The following SYTL3 variants were observed in gnomAD, a reference collection of about 807,000 sequenced individuals.
SYTL3 encodes synaptotagmin like 3.
SYTL3 carries 88 observed loss-of-function variants against 82.1 expected under a neutral mutation model. That is an observed-to-expected ratio of 1.07 (90% CI 0.90 to 1.28). SYTL3 has a LOEUF of 1.28. Ranked by LOEUF, SYTL3 falls within the 50% of genes most tolerant of loss-of-function variation. The pLI is 0.00. For missense variants in SYTL3, 831 were observed against 757.6 expected (o/e 1.10, Z -1.14); for synonymous variants, 311 against 289.4 (o/e 1.07, Z -0.76).
In SYTL3 at chr6:158,707,351, CT is replaced by C. The variant is rs1166076062; in HGVS notation, c.446+72del. On this transcript the variant is annotated intron_variant, in intron 7 of 17. Coordinates refer to ENST00000611299, the MANE Select transcript of SYTL3 (RefSeq NM_001242394.2). ...GAGCGCAGAGGACACTCTGCAAGAACTTATAGGTCTCTTGACTTTCACATGT... is the reference window on the plus strand; with the variant it reads ...GAGCGCAGAGGACACTCTGCAAGAACTATAGGTCTCTTGACTTTCACATGT... 2.2e-6 allele frequency: 3 copies of C among 1,357,800 alleles called. No homozygotes were observed. In the African/African-American group the frequency reaches 4.3e-5, roughly 20 times the overall value. 84.1% of individuals were successfully genotyped at this position (1,357,800 alleles called of 1,614,324 possible). A position where few individuals can be genotyped will look rare whatever the true frequency, so the allele number is the denominator to read the frequency against.
At chr6:158,650,705 G>A (rs1377609724) in intron 1 of SYTL3, among the ~76,000 whole-genome samples, 2 of 152,140 alleles carry the variant, frequency 1.3e-5, no homozygotes, top group Admixed American at 6.5e-5. Flanking sequence ...TACTTTGGGA[G>A]GCCAAGGTGG....
intron 7 of SYTL3, among the ~76,000 whole-genome samples, chr6:158,707,622 A>G (rs1269152937): frequency 6.6e-6 from 1 of 152,216 alleles, no homozygotes; most frequent in Non-Finnish European, 1.5e-5. Context: ...AATCATGCCT[A>G]TCTCTAACAC....
chr6:158,729,704 C>T (rs1174132348), intron 11 of SYTL3, among the ~76,000 whole-genome samples: 3 of 151,362 alleles, frequency 2.0e-5, no homozygotes, highest in Non-Finnish European at 4.4e-5. Context: ...GTAGCTGGGA[C>T]TACAGGCGCC....
chr6:158,708,183 A>AT (rs1314290503), intron 7 of SYTL3, 139 bp from the exon 8 acceptor site: 10 of 775,654 alleles, frequency 1.3e-5, no homozygotes, highest in South Asian at 4.7e-5. Flanking sequence ...GCTGCTGGCT[A>AT]TTTTTCCAAA....
intron 6 of SYTL3, among the ~76,000 whole-genome samples, chr6:158,696,718 C>A (rs1217563425): frequency 1.3e-5 from 2 of 150,802 alleles, no homozygotes; most frequent in African/African-American, 4.9e-5. Flanking sequence ...TGTTTTGTTT[C>A]TTAAAAACAA....
At chr6:158,672,886 C>T (rs1451767801) in intron 5 of SYTL3, among the ~76,000 whole-genome samples, 4 of 152,078 alleles carry the variant, frequency 2.6e-5, no homozygotes, top group Non-Finnish European at 2.9e-5. Context: ...CTGCCCGTCT[C>T]GGCCTCTCAA....
chr6:158,664,772 G>A (rs2128368138), intron 4 of SYTL3, among the ~76,000 whole-genome samples: 1 of 152,182 alleles, frequency 6.6e-6, no homozygotes, highest in East Asian at 1.9e-4. Context: ...TCTTGGGATT[G>A]GCTCATCTTT....
chr6:158,744,400 G>A (rs1350891246), intron 11 of SYTL3, among the ~76,000 whole-genome samples: 2 of 146,298 alleles, frequency 1.4e-5, no homozygotes, highest in East Asian at 4.4e-4. Flanking sequence ...TCCGCCTCCT[G>A]GGTTCACGCC....
At chr6:158,698,268 G>A (rs56321155) in intron 6 of SYTL3, among the ~76,000 whole-genome samples, 7,286 of 151,928 alleles carry the variant, frequency 0.048, 479 homozygotes, top group African/African-American at 0.15. Context: ...GTGGTGGTGG[G>A]TACCTGTAAT....
intron 6 of SYTL3, among the ~76,000 whole-genome samples, chr6:158,703,360 C>T (rs1040600328): frequency 1.3e-5 from 2 of 152,066 alleles, no homozygotes; most frequent in African/African-American, 4.8e-5. Context: ...GCTAAAGTCA[C>T]TCGCCAGCCA....
chr6:158,683,886 G>A (rs775602604), intron 6 of SYTL3, among the ~76,000 whole-genome samples: 3 of 152,170 alleles, frequency 2.0e-5, no homozygotes, highest in Admixed American at 6.5e-5. Flanking sequence ...CATTTTGTCC[G>A]TATACTGTGA....
At chr6:158,720,704 G>A (rs1229859903) in intron 10 of SYTL3, among the ~76,000 whole-genome samples, 1 of 152,190 alleles carries the variant, frequency 6.6e-6, no homozygotes, top group African/African-American at 2.4e-5. Context: ...ATGCCCTTCA[G>A]AGGTATTTAG....
Position 158,761,336 on chromosome 6 carries a change from T to C in SYTL3, c.1414+591T>C, listed in dbSNP as rs1477688720. The stretch of plus-strand genomic sequence containing the variant: ...TTTTTTTTTTGAGACAGAGTTTTGC[T>C]CTGTCACCCAGGCTGGAGTGCAGTG... On this transcript the variant is annotated intron_variant, in intron 15 of 17. Coordinates refer to ENST00000611299, the MANE Select transcript of SYTL3 (RefSeq NM_001242394.2). Among the ~76,000 whole-genome samples, 36 of 145,804 alleles carry C rather than the reference T, an allele frequency of 2.5e-4. No individual in the cohort carries two copies. The Admixed American group carries it at 2.5e-3, about 10-fold the overall frequency.
intron 5 of SYTL3, among the ~76,000 whole-genome samples, chr6:158,672,157 C>T (rs754735928): frequency 6.6e-6 from 1 of 151,944 alleles, no homozygotes; most frequent in Non-Finnish European, 1.5e-5. Context: ...TGGGCATGGT[C>T]GTGTGTACCT....
upstream of SYTL3, among the ~76,000 whole-genome samples, chr6:158,649,684 T>G (rs901396158): frequency 3.9e-5 from 6 of 152,328 alleles, no homozygotes; most frequent in East Asian, 1.2e-3. Context: ...AGCTGTTCTT[T>G]GAGATGTGGT....
chr6:158,717,878 C>T (rs1482343794), intron 9 of SYTL3, among the ~76,000 whole-genome samples: 1 of 152,188 alleles, frequency 6.6e-6, no homozygotes, highest in Non-Finnish European at 1.5e-5. Context: ...CCAGCCCTCT[C>T]CTGCCCTGAC....
chr6:158,657,281 C>T (rs1203339238), intron 2 of SYTL3, among the ~76,000 whole-genome samples: 4 of 151,956 alleles, frequency 2.6e-5, no homozygotes, highest in South Asian at 4.1e-4. Flanking sequence ...CAAAAATTAG[C>T]CGTGTGTGAT....
At chr6:158,747,416 C>A (rs560431591) in intron 12 of SYTL3, among the ~76,000 whole-genome samples, 1 of 152,176 alleles carries the variant, frequency 6.6e-6, no homozygotes, top group East Asian at 1.9e-4. Flanking sequence ...GCTTGGAGTG[C>A]AGTGGTGCCA....
rs1019250172 is a variant in SYTL3 at position 158,764,703 on chromosome 6, T to C, written c.*99T>C. On this transcript the variant is annotated 3_prime_UTR_variant, in exon 18 of 18. Transcript: ENST00000611299. ...TGCAGGGTCCCAGCTGGAGACCCCT[T>C]TGACCTTGAGCAGTCTCCATCTGCG... The C allele has an allele frequency of 7.3e-6, 6 of 819,540 alleles. No homozygotes were observed. Among genetic ancestry groups the C allele is most frequent in the Middle Eastern group, 4.5e-4 (2 of 4,428 alleles). 50.8% of individuals were successfully genotyped at this position (819,540 alleles called of 1,614,324 possible). A position where few individuals can be genotyped will look rare whatever the true frequency, so the allele number is the denominator to read the frequency against.
Sources: gnomAD v4.1 joint callset for allele counts (sites outside exome capture counted in the v4.1 genomes callset) on GRCh38, gnomAD v4.1.1 for gene constraint, MANE v1.5 for transcripts, NCBI Gene and HGNC (gene_info 2026-07-23, HGNC 2026-07-21) for gene names.